PDIA5: variants seen among roughly 807,000 people sequenced by gnomAD.
PDIA5 encodes protein disulfide-isomerase A5.
In PDIA5, 58 loss-of-function variants were observed where a neutral mutation model predicts 77.6. The ratio of observed to expected loss-of-function variants is 0.75; its 90% CI spans 0.61 to 0.93. The LOEUF (loss-of-function observed/expected upper bound fraction) is 0.93. Ranked by LOEUF, PDIA5 falls within the 40% of genes least tolerant of loss-of-function variation. PDIA5 has a pLI of 0.00. For synonymous variants in PDIA5, 250 were observed against 252.1 expected, an observed-to-expected ratio of 0.99 and a Z score of 0.08; for missense variants, 630 against 647.7, an observed-to-expected ratio of 0.97 and a Z score of 0.30.
chr3:123,092,345 T>A lies in PDIA5; in HGVS notation c.170-10T>A, dbSNP rs1032644593. ...TCACAGATGTTTAATTTTTTGTTTTTTTTTTACAGAGGTGGCAGCTGAAAA... is the reference window on the plus strand; with the variant it reads ...TCACAGATGTTTAATTTTTTGTTTTATTTTTACAGAGGTGGCAGCTGAAAA... On this transcript the variant is annotated splice_polypyrimidine_tract_variant and intron_variant, in intron 2 of 16. Coordinates refer to ENST00000316218, the MANE Select transcript of PDIA5 (RefSeq NM_006810.4). 1.2e-6 allele frequency: 2 copies of A among 1,612,454 alleles called. No individual in the cohort carries two copies. The highest frequency in any genetic ancestry group is 1.7e-6 in the Non-Finnish European group (2 of 1,178,882).
intron 11 of PDIA5, among the ~76,000 whole-genome samples, chr3:123,139,960 G>T (rs764164709): frequency 7.9e-5 from 12 of 152,150 alleles, no homozygotes; most frequent in Admixed American, 1.3e-4. Context: ...TACTCCAGCT[G>T]CTTTGAGTAC....
At chr3:123,128,447 T>G (rs901633795) in intron 10 of PDIA5, among the ~76,000 whole-genome samples, 6 of 152,192 alleles carry the variant, frequency 3.9e-5, no homozygotes, top group Admixed American at 1.3e-4. Flanking sequence ...CTTGCTTGAC[T>G]TTTTAAAAAT....
In PDIA5 at chr3:123,150,326, A is replaced by G. The variant is rs749999884; in HGVS notation, c.1235A>G (p.Lys412Arg). ...GGGGACAACTTCCGGGAGACCCTGA[A>G]GAAGAAGAAACACACCTTGGTCATG... ...LVGDNFRETL[K>R]KKKHTLVMFY... Residue 412 changes from lysine (K) to arginine (R), a missense_variant, in exon 14 of 17, where the codon AAG (lysine) becomes AGG (arginine). Transcript: ENST00000316218. The G allele has an allele frequency of 6.2e-7, 1 of 1,613,692 alleles. No individual in the cohort carries two copies. The highest frequency in any genetic ancestry group is 1.3e-5 in the African/African-American group (1 of 74,850).
At chr3:123,090,609 C>T (rs1032216338) in intron 2 of PDIA5, among the ~76,000 whole-genome samples, 1 of 152,196 alleles carries the variant, frequency 6.6e-6, no homozygotes, top group African/African-American at 2.4e-5. Context: ...CGCTGTCTCT[C>T]ATTTTCTCTG....
At chr3:123,135,755 T>C (rs1935486608) in intron 11 of PDIA5, among the ~76,000 whole-genome samples, 1 of 149,682 alleles carries the variant, frequency 6.7e-6, no homozygotes, top group Non-Finnish European at 1.5e-5. Flanking sequence ...CTTTTTTTTT[T>C]TTTTTTTTTT....
At chr3:123,071,955 A>T (rs1000245816) in intron 1 of PDIA5, among the ~76,000 whole-genome samples, 1 of 152,092 alleles carries the variant, frequency 6.6e-6, no homozygotes, top group Non-Finnish European at 1.5e-5. Context: ...GGATGGAGGG[A>T]GGGTTTGAGT....
At chr3:123,143,663 C>G (rs1324206243) in intron 11 of PDIA5, among the ~76,000 whole-genome samples, 1 of 152,122 alleles carries the variant, frequency 6.6e-6, no homozygotes, top group Non-Finnish European at 1.5e-5. Context: ...GCATCATAGC[C>G]CAACAGGAGT....
intron 1 of PDIA5, among the ~76,000 whole-genome samples, chr3:123,088,097 G>A (rs543926867): frequency 2.4e-4 from 36 of 152,236 alleles, no homozygotes; most frequent in East Asian, 7.7e-4. Context: ...ACCCTCTGCC[G>A]GGTTATCTCC....
At chr3:123,154,327 T>C (rs974023954) in intron 14 of PDIA5, among the ~76,000 whole-genome samples, 2 of 152,106 alleles carry the variant, frequency 1.3e-5, no homozygotes, top group African/African-American at 4.8e-5. Context: ...GTAGCTCCTC[T>C]CCCTCTTACC....
chr3:123,106,464 T>G (rs895073), intron 5 of PDIA5, among the ~76,000 whole-genome samples: 1 of 152,216 alleles, frequency 6.6e-6, no homozygotes, highest in Admixed American at 6.5e-5. Flanking sequence ...TTTTTTGTCC[T>G]TGAAGATGCA....
chr3:123,088,513 A>G (rs1275314530), intron 1 of PDIA5, among the ~76,000 whole-genome samples: 1 of 152,198 alleles, frequency 6.6e-6, no homozygotes, highest in African/African-American at 2.4e-5. Context: ...ACTTTGCCCC[A>G]GCATATGGCA....
intron 8 of PDIA5, 64 bp downstream of exon 8, chr3:123,116,362 CA>C (rs1934998449): frequency 1.4e-5 from 13 of 898,152 alleles, no homozygotes; most frequent in Non-Finnish European, 2.0e-5. Context: ...GGAAGGGTGC[CA>C]GGGGTGGGGT....
chr3:123,152,842 G>T (rs1935943023), intron 14 of PDIA5, among the ~76,000 whole-genome samples: 1 of 152,124 alleles, frequency 6.6e-6, no homozygotes, highest in South Asian at 2.1e-4. Flanking sequence ...CATGGTGACT[G>T]CCCTTCTCAG....
intron 1 of PDIA5, among the ~76,000 whole-genome samples, chr3:123,079,808 C>T (rs1472615488): frequency 6.6e-6 from 1 of 152,032 alleles, no homozygotes; most frequent in Non-Finnish European, 1.5e-5. Context: ...AGTTGGGCTC[C>T]ATATTTTAAG....
chr3:123,159,172 A>G (rs870429), intron 15 of PDIA5, among the ~76,000 whole-genome samples: 76,326 of 152,162 alleles, frequency 0.5, 19,156 homozygotes, highest in South Asian at 0.54. Context: ...AGCCATGTTC[A>G]TCCAGCACTT....
chr3:123,102,860 G>C (rs1934637489), intron 5 of PDIA5, 64 bp downstream of exon 5: 7 of 1,095,242 alleles, frequency 6.4e-6, no homozygotes, highest in Admixed American at 3.4e-5. Context: ...AGTCTGGCAG[G>C]TTTTCTCTCT....
At chr3:123,119,419 G>A (rs1478530163) in intron 8 of PDIA5, among the ~76,000 whole-genome samples, 1 of 152,170 alleles carries the variant, frequency 6.6e-6, no homozygotes, top group African/African-American at 2.4e-5. Context: ...TAAGACATCT[G>A]GGTTGTGTAA....
intron 1 of PDIA5, 112 bp from the exon 2 acceptor site, chr3:123,089,056 G>T: frequency 1.0e-6 from 1 of 1,000,732 alleles, no homozygotes; most frequent in Non-Finnish European, 1.5e-6. Flanking sequence ...GTGTTGGTTT[G>T]CCCTCATCCT....
chr3:123,109,265 T>A (rs1240774223), intron 6 of PDIA5, among the ~76,000 whole-genome samples: 1 of 152,216 alleles, frequency 6.6e-6, no homozygotes, highest in Non-Finnish European at 1.5e-5. Flanking sequence ...CTGATTCAAT[T>A]TGTAGGCTTG....
Sources: gnomAD v4.1 joint callset for allele counts (sites outside exome capture counted in the v4.1 genomes callset) on GRCh38, gnomAD v4.1.1 for gene constraint, MANE v1.5 for transcripts, NCBI Gene and HGNC (gene_info 2026-07-23, HGNC 2026-07-21) for gene names.